Variants in RALYL observed in about 807,000 individuals in gnomAD.
The protein encoded by RALYL is RALY RNA binding protein like.
Under a neutral mutation model 35.1 loss-of-function variants are expected in RALYL, and 29 were observed. The ratio of observed to expected loss-of-function variants is 0.83; its 90% CI spans 0.61 to 1.13. RALYL has a LOEUF of 1.13. RALYL is among the 50% of genes most tolerant of loss of function. The pLI is 0.00. For missense variants in RALYL, 359 were observed against 360.4 expected, an observed-to-expected ratio of 1.00 and a Z score of 0.03; for synonymous variants, 120 against 127.6, an observed-to-expected ratio of 0.94 and a Z score of 0.40.
chr8:84,294,158 T>G (rs1229798986), intron 1 of RALYL, among the ~76,000 whole-genome samples: 1 of 152,142 alleles, frequency 6.6e-6, no homozygotes, highest in Non-Finnish European at 1.5e-5. Context: ...TTAAAAAAAG[T>G]ACATACTTAG....
At chr8:84,711,765 T>C (rs1842225631) in intron 2 of RALYL, among the ~76,000 whole-genome samples, 1 of 152,166 alleles carries the variant, frequency 6.6e-6, no homozygotes, top group African/African-American at 2.4e-5. Flanking sequence ...TATTAATGTG[T>C]TGTGTTTTAT....
At chr8:84,712,546 A>G (rs909574556) in intron 2 of RALYL, among the ~76,000 whole-genome samples, 1 of 152,170 alleles carries the variant, frequency 6.6e-6, no homozygotes, top group African/African-American at 2.4e-5. Flanking sequence ...TCACTTTTGT[A>G]CCAGGTGAGC....
chr8:84,286,772 C>T (rs755123514), intron 1 of RALYL, among the ~76,000 whole-genome samples: 14 of 152,072 alleles, frequency 9.2e-5, no homozygotes, highest in Non-Finnish European at 1.3e-4. Context: ...TTTTCTAAAA[C>T]GTTGAGATTG....
At chr8:84,516,009 C>T (rs1021202367) in intron 1 of RALYL, among the ~76,000 whole-genome samples, 3 of 2,988 alleles carry the variant, frequency 1.0e-3, no homozygotes, top group South Asian at 0.018. Context: ...TTGTGGTGGT[C>T]GGGGGCAGGG....
intron 1 of RALYL, among the ~76,000 whole-genome samples, chr8:84,240,622 C>A (rs1827646589): frequency 6.6e-6 from 1 of 152,142 alleles, no homozygotes; most frequent in Non-Finnish European, 1.5e-5. Flanking sequence ...GGAGAGGGGT[C>A]TTTATACTTC....
At chr8:84,470,033 A>G (rs1200400487) in intron 1 of RALYL, among the ~76,000 whole-genome samples, 1 of 152,038 alleles carries the variant, frequency 6.6e-6, no homozygotes, top group Non-Finnish European at 1.5e-5. Flanking sequence ...ACCTGCGCCC[A>G]CTGTCTGGCA....
At chr8:84,641,329 C>T (rs1328790908) in intron 2 of RALYL, among the ~76,000 whole-genome samples, 1 of 151,340 alleles carries the variant, frequency 6.6e-6, no homozygotes. Flanking sequence ...TTTTAGTAAC[C>T]TTCAATTTTA....
At chr8:84,898,137 G>T (rs1281418045) in intron 8 of RALYL, among the ~76,000 whole-genome samples, 5 of 152,186 alleles carry the variant, frequency 3.3e-5, no homozygotes, top group Non-Finnish European at 7.4e-5. Context: ...GGAACTCAGA[G>T]GATGGCCCAG....
intron 1 of RALYL, among the ~76,000 whole-genome samples, chr8:84,202,367 ATTTT>A (rs1187950600): frequency 1.0e-3 from 114 of 113,440 alleles, no homozygotes; most frequent in African/African-American, 3.3e-3. Context: ...TATTGAAGGG[ATTTT>A]TTTTTTTTTT....
At chr8:84,774,943 CT>C (rs1816481069) in intron 3 of RALYL, among the ~76,000 whole-genome samples, 1 of 152,036 alleles carries the variant, frequency 6.6e-6, no homozygotes, top group Admixed American at 6.6e-5. Flanking sequence ...TGTTGGTTAA[CT>C]TTTTTTATTT....
chr8:84,438,655 G>A (rs1227035648), intron 1 of RALYL, among the ~76,000 whole-genome samples: 1 of 151,988 alleles, frequency 6.6e-6, no homozygotes, highest in Non-Finnish European at 1.5e-5. Context: ...ACCTCCCAAA[G>A]TACTGGGATT....
intron 2 of RALYL, among the ~76,000 whole-genome samples, chr8:84,697,153 G>T (rs993651903): frequency 1.3e-5 from 2 of 151,760 alleles, no homozygotes; most frequent in African/African-American, 2.4e-5. Context: ...TTTTAAATTG[G>T]AAATAATTAG....
chr8:84,586,745 G>T (rs1225502457), intron 2 of RALYL, among the ~76,000 whole-genome samples: 3 of 151,892 alleles, frequency 2.0e-5, no homozygotes, highest in Non-Finnish European at 4.4e-5. Flanking sequence ...AGGGTTAAAG[G>T]TCAATCCCAT....
chr8:84,494,295 TG>T (rs1442040885), intron 1 of RALYL, among the ~76,000 whole-genome samples: 2 of 152,210 alleles, frequency 1.3e-5, no homozygotes, highest in Non-Finnish European at 2.9e-5. Flanking sequence ...TATGCTGTTT[TG>T]GTTACTGATG....
At chr8:84,467,320 C>T (rs1020898634) in intron 1 of RALYL, among the ~76,000 whole-genome samples, 21 of 151,332 alleles carry the variant, frequency 1.4e-4, no homozygotes, top group Middle Eastern at 3.4e-3. Context: ...TTGAATGCGT[C>T]CCAGAGATTC....
intron 2 of RALYL, among the ~76,000 whole-genome samples, chr8:84,553,046 T>A (rs1392156050): frequency 6.6e-6 from 1 of 152,166 alleles, no homozygotes; most frequent in Non-Finnish European, 1.5e-5. Context: ...TATGGAAAAA[T>A]ACTTAAATAT....
chr8:84,792,949 T>C (rs1247204582), intron 3 of RALYL, among the ~76,000 whole-genome samples: 1 of 152,198 alleles, frequency 6.6e-6, no homozygotes. Context: ...AAGAAACTGA[T>C]GATAGCCAGA....
intron 1 of RALYL, among the ~76,000 whole-genome samples, chr8:84,451,887 C>A (rs374944736): frequency 5.3e-5 from 8 of 151,898 alleles, no homozygotes; most frequent in Non-Finnish European, 1.2e-4. Flanking sequence ...AACTCAATTA[C>A]AAAATGCTCA....
At chr8:84,822,241 G>A (rs1828705914) in intron 4 of RALYL, among the ~76,000 whole-genome samples, 1 of 152,138 alleles carries the variant, frequency 6.6e-6, no homozygotes, top group South Asian at 2.1e-4. Context: ...TTTTAAAGAT[G>A]TGTTCTGTAA....
Sources: allele counts gnomAD v4.1 joint callset (sites outside exome capture counted in the v4.1 genomes callset), GRCh38; gene constraint gnomAD v4.1.1; transcripts MANE v1.5; gene names NCBI Gene and HGNC (gene_info 2026-07-23, HGNC 2026-07-21).